The following CDH12 variants were observed in gnomAD, a reference collection of about 807,000 sequenced individuals.
CDH12 encodes cadherin 12.
A neutral mutation model predicts 74.1 loss-of-function variants in CDH12; 41 were observed. The observed-to-expected ratio is 0.55, with a 90% CI of 0.43 to 0.72. CDH12 has a LOEUF of 0.72. Ranked by LOEUF, CDH12 falls within the 30% of genes least tolerant of loss-of-function variation. CDH12 has a pLI of 0.00. For missense variants in CDH12, 945 were observed against 977.2 expected (o/e 0.97, Z 0.44); for synonymous variants, 399 against 355.0 (o/e 1.12, Z -1.39).
At chr5:22,824,098 C>T (rs578189624) in intron 1 of CDH12, among the ~76,000 whole-genome samples, 3 of 152,194 alleles carry the variant, frequency 2.0e-5, no homozygotes, top group East Asian at 1.9e-4. Context: ...ATTAGACTTA[C>T]ATCTGACTAA....
intron 1 of CDH12, among the ~76,000 whole-genome samples, chr5:22,811,081 A>G (rs1309249929): frequency 6.6e-6 from 1 of 151,792 alleles, no homozygotes; most frequent in Non-Finnish European, 1.5e-5. Flanking sequence ...ATACATACAT[A>G]TATACACACG....
intron 5 of CDH12, among the ~76,000 whole-genome samples, chr5:22,025,641 A>G (rs1738297199): frequency 6.6e-6 from 1 of 152,156 alleles, no homozygotes; most frequent in Non-Finnish European, 1.5e-5. Context: ...TCTTCCTTTC[A>G]CAAGATGTTC....
intron 1 of CDH12, chr5:22,580,860 G>C (rs112684170): frequency 5.8e-6 from 1 of 172,100 alleles, no homozygotes; most frequent in Admixed American, 6.0e-5. Flanking sequence ...AGAGACTGGC[G>C]GCATTTTGCC....
At chr5:22,306,003 C>T (rs1472092372) in intron 3 of CDH12, among the ~76,000 whole-genome samples, 1 of 152,002 alleles carries the variant, frequency 6.6e-6, no homozygotes, top group African/African-American at 2.4e-5. Context: ...TGACATTGAC[C>T]AACCTCTTTA....
intron 1 of CDH12, among the ~76,000 whole-genome samples, chr5:22,806,994 A>G (rs1748851285): frequency 6.6e-6 from 1 of 151,990 alleles, no homozygotes; most frequent in African/African-American, 2.4e-5. Context: ...CCATTTGTCA[A>G]TTTTGGCTTT....
At chr5:21,809,591 G>A (rs1747634718) in intron 9 of CDH12, among the ~76,000 whole-genome samples, 1 of 152,096 alleles carries the variant, frequency 6.6e-6, no homozygotes, top group Admixed American at 6.6e-5. Context: ...TGTAGAATCA[G>A]TAAAACATAT....
intron 4 of CDH12, among the ~76,000 whole-genome samples, chr5:22,109,544 C>T (rs1271501480): frequency 1.3e-5 from 2 of 152,152 alleles, no homozygotes; most frequent in African/African-American, 4.8e-5. Context: ...AGTTTCATGC[C>T]TTCTACCAGC....
At chr5:22,719,929 C>T (rs933660454) in intron 1 of CDH12, among the ~76,000 whole-genome samples, 1 of 152,046 alleles carries the variant, frequency 6.6e-6, no homozygotes, top group African/African-American at 2.4e-5. Flanking sequence ...TTCACAGCAG[C>T]TTCTTTGCTT....
chr5:22,753,330 G>T (rs975238103), intron 1 of CDH12, among the ~76,000 whole-genome samples: 1 of 151,190 alleles, frequency 6.6e-6, no homozygotes, highest in Non-Finnish European at 1.5e-5. Flanking sequence ...CCAGCTACTC[G>T]GGAGGCTGAG....
intron 3 of CDH12, among the ~76,000 whole-genome samples, chr5:22,322,910 G>C (rs566367494): frequency 3.5e-4 from 53 of 152,258 alleles, no homozygotes; most frequent in Admixed American, 1.0e-3. Context: ...TGGTTGAACA[G>C]AGTAACTGAA....
chr5:22,353,385 T>G (rs1052506654), intron 3 of CDH12, among the ~76,000 whole-genome samples: 11 of 152,176 alleles, frequency 7.2e-5, no homozygotes, highest in Admixed American at 5.9e-4. Context: ...TCCAACGTTT[T>G]CCCACATTTA....
At chr5:22,720,754 G>A (rs1358260197) in intron 1 of CDH12, among the ~76,000 whole-genome samples, 2 of 152,126 alleles carry the variant, frequency 1.3e-5, no homozygotes, top group Non-Finnish European at 2.9e-5. Flanking sequence ...TGGCTGAGGT[G>A]GTTGCAGATG....
At chr5:22,552,933 T>C (rs899347871) in intron 1 of CDH12, among the ~76,000 whole-genome samples, 1 of 152,124 alleles carries the variant, frequency 6.6e-6, no homozygotes, top group Non-Finnish European at 1.5e-5. Context: ...AAATTTAAAA[T>C]CTACATGAAT....
At chr5:22,487,167 TA>T (rs1746640610) in intron 2 of CDH12, among the ~76,000 whole-genome samples, 1 of 151,936 alleles carries the variant, frequency 6.6e-6, no homozygotes, top group Non-Finnish European at 1.5e-5. Context: ...CACGCCCCAC[TA>T]ATTTTTGTAT....
chr5:22,649,597 A>G (rs1407623695), intron 1 of CDH12, among the ~76,000 whole-genome samples: 1 of 152,060 alleles, frequency 6.6e-6, no homozygotes, highest in African/African-American at 2.4e-5. Flanking sequence ...GCATTAGGTA[A>G]TTTGACATTT....
At chr5:22,241,513 A>G in intron 3 of CDH12, among the ~76,000 whole-genome samples, 1 of 152,114 alleles carries the variant, frequency 6.6e-6, no homozygotes, top group East Asian at 1.9e-4. Context: ...TATAGTCTAT[A>G]GTTTGTAATT....
At chr5:22,226,049 C>G (rs1317081624) in intron 3 of CDH12, among the ~76,000 whole-genome samples, 3 of 151,976 alleles carry the variant, frequency 2.0e-5, no homozygotes, top group African/African-American at 7.2e-5. Context: ...TAGACGCCCC[C>G]TTTAGCTACT....
intron 1 of CDH12, among the ~76,000 whole-genome samples, chr5:22,626,565 T>A (rs1738309650): frequency 6.6e-6 from 1 of 152,038 alleles, no homozygotes; most frequent in Non-Finnish European, 1.5e-5. Flanking sequence ...CCTAAGGGCA[T>A]CAAAGAAGAT....
chr5:22,175,183 T>C (rs1234711017), intron 4 of CDH12, among the ~76,000 whole-genome samples: 4 of 152,062 alleles, frequency 2.6e-5, no homozygotes, highest in Non-Finnish European at 4.4e-5. Flanking sequence ...TTCTTTCTTT[T>C]AGGTTTAATA....
Sources: allele counts gnomAD v4.1 joint callset (sites outside exome capture counted in the v4.1 genomes callset), GRCh38; gene constraint gnomAD v4.1.1; transcripts MANE v1.5; gene names NCBI Gene and HGNC (gene_info 2026-07-23, HGNC 2026-07-21).